MCPH1: variants seen among roughly 807,000 people sequenced by gnomAD.
The protein encoded by MCPH1 is microcephalin.
MCPH1 carries 104 observed loss-of-function variants against 84.5 expected under a neutral mutation model. The observed-to-expected ratio is 1.23, with a 90% confidence interval of 1.05 to 1.45. The LOEUF is 1.45. Ranked by LOEUF, MCPH1 falls within the 40% of genes most tolerant of loss-of-function variation. MCPH1 has a pLI of 0.00. For synonymous variants in MCPH1, 514 were observed against 366.8 expected (o/e 1.40, Z -4.58); for missense variants, 1,498 against 1,005.7 (o/e 1.49, Z -6.62).
rs571791593 is a variant in MCPH1, at chr8:6,583,897, C to A, written c.2215-37557C>A. On this transcript the variant is annotated intron_variant, in intron 12 of 13. Transcript: ENST00000344683. ...ACATATCTTTGGCATTTTGTACCTA[C>A]CTTCTGTTCTAAATTTTGCATTTTT... 3.7e-5 allele frequency among the ~76,000 whole-genome samples: 5 copies of A among 136,374 alleles called. No individual in the cohort carries two copies. The South Asian group carries it at 1.2e-3, about 33-fold the overall frequency. 89.5% of individuals were successfully genotyped at this position (136,374 alleles called of 152,430 possible).
intron 2 of MCPH1, among the ~76,000 whole-genome samples, chr8:6,414,438 A>G (rs1798968744): frequency 6.6e-6 from 1 of 152,208 alleles, no homozygotes; most frequent in Admixed American, 6.5e-5. Flanking sequence ...AATGTCCATT[A>G]TTATCTGACT....
Position 6,521,160 on chromosome 8 carries a change from C to A in MCPH1, c.2214+21231C>A, listed in dbSNP as rs1170374677. The A allele has an allele frequency of 3.1e-6, 5 of 1,599,394 alleles. No homozygotes were observed. In the African/African-American group the frequency reaches 5.4e-5, roughly 17 times the overall value. ...TAAAGGTTATTAACGCTGAAGAAAG[C>A]ATGATATGTAAACTTACAGTTTGAT... On this transcript the variant is annotated intron_variant, in intron 12 of 13. Transcript: ENST00000344683.
At chr8:6,414,631 T>G in intron 2 of MCPH1, 134 bp from the exon 3 acceptor site, 1 of 876,968 alleles carries the variant, frequency 1.1e-6, no homozygotes, top group Non-Finnish European at 1.7e-6. Flanking sequence ...TTAAGCAGCG[T>G]TATGCATTCC....
chr8:6,473,320 C>CTTT lies in MCPH1; in HGVS notation c.1936-4248_1936-4246dup, dbSNP rs56077837. 5.9e-4 allele frequency among the ~76,000 whole-genome samples: 45 copies of CTTT among 76,442 alleles called. 3 individuals are homozygous for CTTT. Among genetic ancestry groups the CTTT allele is most frequent in the South Asian group, 3.1e-3 (4 of 1,270 alleles). The allele number at this position is 76,442 out of a possible 152,430, so 50.1% of individuals were successfully genotyped here. On this transcript the variant is annotated intron_variant, in intron 9 of 13. Coordinates refer to ENST00000344683, the MANE Select transcript of MCPH1 (RefSeq NM_024596.5). ...TGAAATGACAGTTTTTCTCTCAATC[C>CTTT]TTTTTTTTTTTTTTTTTTTTTTTTT...
At chr8:6,624,032 G>T (rs1033847635) in intron 13 of MCPH1, among the ~76,000 whole-genome samples, 5 of 152,220 alleles carry the variant, frequency 3.3e-5, no homozygotes, top group African/African-American at 9.7e-5. Context: ...AGGTTGGGTG[G>T]CTCTGACAGC....
chr8:6,521,192 A>C (rs778968356), intron 12 of MCPH1: 1 of 1,613,362 alleles, frequency 6.2e-7, no homozygotes, highest in Admixed American at 1.7e-5. Context: ...TGATGTGGAC[A>C]TCATAGTCAG....
chr8:6,597,061 G>A (rs1828985639), intron 12 of MCPH1, among the ~76,000 whole-genome samples: 1 of 152,182 alleles, frequency 6.6e-6, no homozygotes, highest in Admixed American at 6.5e-5. Context: ...GATGGGCTTA[G>A]CATCCAAGCA....
At chr8:6,578,716 C>T (rs1349166729) in intron 12 of MCPH1, among the ~76,000 whole-genome samples, 1 of 152,180 alleles carries the variant, frequency 6.6e-6, no homozygotes, top group East Asian at 1.9e-4. Context: ...GTGACAAACA[C>T]AGGCTCATTA....
intron 11 of MCPH1, among the ~76,000 whole-genome samples, chr8:6,497,297 A>G (rs901455056): frequency 9.2e-5 from 14 of 151,410 alleles, no homozygotes; most frequent in African/African-American, 3.4e-4. Context: ...CCTGACCAAC[A>G]CTGTGAAACC....
At chr8:6,455,029 TA>T in intron 8 of MCPH1, 113 bp from the exon 9 acceptor site, 3 of 796,726 alleles carry the variant, frequency 3.8e-6, no homozygotes, top group Admixed American at 1.9e-5. Context: ...ACAATTTATT[TA>T]AAAGGCCTAT....
rs193037790 is a variant in MCPH1 at position 6,449,858 on chromosome 8, C to T, written c.1825+4311C>T. Among the ~76,000 whole-genome samples the T allele has an allele frequency of 4.6e-5, 7 of 152,262 alleles. No homozygotes were observed. In the East Asian group the frequency reaches 1.2e-3, roughly 25 times the overall value. The stretch of plus-strand genomic sequence containing the variant: ...CTGCCAATCACAGCTCTTCAACCAC[C>T]GAAAGTCAGTTTGAATTGCCAAGTA... On this transcript the variant is annotated intron_variant, in intron 8 of 13. Coordinates refer to ENST00000344683, the MANE Select transcript of MCPH1 (RefSeq NM_024596.5).
At chr8:6,537,450 T>A (rs1005007862) in intron 12 of MCPH1, among the ~76,000 whole-genome samples, 22 of 152,120 alleles carry the variant, frequency 1.4e-4, no homozygotes, top group Non-Finnish European at 1.5e-5. Context: ...CTTAGTGTTA[T>A]TTGATTTGCT....
Position 6,414,850 on chromosome 8 carries a change from G to T in MCPH1, c.200G>T (p.Gly67Val). The T allele has an allele frequency of 6.2e-7, 1 of 1,613,770 alleles. No individual in the cohort carries two copies. Among genetic ancestry groups the T allele is most frequent in the Non-Finnish European group, 8.5e-7 (1 of 1,179,904 alleles). Residue 67 changes from glycine (G) to valine (V), a missense_variant, in exon 3 of 14, where the codon GGC (glycine) becomes GTC (valine). By Grantham distance (109) the Gly-to-Val change is moderately radical. Transcript: ENST00000344683. The stretch of plus-strand genomic sequence containing the variant: ...ACTTGGGACAAAGCTCAGAAGAGAG[G>T]CGTAAAGCTCGTTTCGGTGCTCTGG... Reference protein sequence around the residue: ...QSTWDKAQKRGVKLVSVLWVE... With the variant: ...QSTWDKAQKRVVKLVSVLWVE...
chr8:6,562,549 C>CTT (rs1264718918), intron 12 of MCPH1: 17 of 87,394 alleles, frequency 1.9e-4, no homozygotes, highest in Non-Finnish European at 3.2e-4. Flanking sequence ...CTTCATCCTC[C>CTT]TTCTTTTTTT....
At position 6,504,514 on chromosome 8, in the gene MCPH1, A is replaced by T. The variant is rs182789863; in HGVS notation, c.2214+4585A>T. On this transcript the variant is annotated intron_variant, in intron 12 of 13. Transcript: ENST00000344683. ...TGGTTATTAGATCGATTGTCACAGTATCGCAGTGCTTATGTTCAAGTAACG... is the reference window on the plus strand; with the variant it reads ...TGGTTATTAGATCGATTGTCACAGTTTCGCAGTGCTTATGTTCAAGTAACG... Among the ~76,000 whole-genome samples, 265 of 152,224 alleles carry T rather than the reference A, an allele frequency of 1.7e-3. 3 individuals are homozygous for T. Among genetic ancestry groups the T allele is most frequent in the South Asian group, 6.2e-3 (30 of 4,822 alleles).
At chr8:6,583,622 A>C (rs938740042) in intron 12 of MCPH1, among the ~76,000 whole-genome samples, 1 of 152,206 alleles carries the variant, frequency 6.6e-6, no homozygotes, top group Non-Finnish European at 1.5e-5. Context: ...TGAGTGCCCA[A>C]GGGAGGAGCT....
At chr8:6,621,749 A>C (rs1831448067) in intron 13 of MCPH1, 58 bp downstream of exon 13, 1 of 1,611,988 alleles carries the variant, frequency 6.2e-7, no homozygotes, top group African/African-American at 1.3e-5. Flanking sequence ...ACAGGTTTCC[A>C]GGGAGGGCGG....
chr8:6,548,985 C>T (rs557944012), intron 12 of MCPH1, among the ~76,000 whole-genome samples: 1 of 152,216 alleles, frequency 6.6e-6, no homozygotes, highest in Non-Finnish European at 1.5e-5. Context: ...ATGAATCAAT[C>T]TATTCCTCAA....
intron 13 of MCPH1, among the ~76,000 whole-genome samples, chr8:6,633,735 C>A (rs142373756): frequency 1.3e-4 from 20 of 152,276 alleles, no homozygotes; most frequent in African/African-American, 4.6e-4. Flanking sequence ...TGGACGCACC[C>A]AACGCAGATT....
Sources: gnomAD v4.1 joint callset for allele counts (sites outside exome capture counted in the v4.1 genomes callset) on GRCh38, gnomAD v4.1.1 for gene constraint, MANE v1.5 for transcripts, NCBI Gene and HGNC (gene_info 2026-07-23, HGNC 2026-07-21) for gene names.